VRK2: variants seen among roughly 807,000 people sequenced by gnomAD.
The protein encoded by VRK2 is VRK serine/threonine kinase 2, also known as serine/threonine-protein kinase VRK2.
A neutral mutation model predicts 57.6 loss-of-function variants in VRK2; 60 were observed. The observed-to-expected ratio is 1.04, with a 90% confidence interval of 0.85 to 1.29. The LOEUF is 1.29. Ranked by LOEUF, VRK2 falls within the 50% of genes most tolerant of loss-of-function variation. The probability of loss-of-function intolerance (pLI) is 0.00; values close to 1 mark genes in which losing one functional copy is unlikely to be tolerated. For synonymous variants in VRK2, 231 were observed against 199.2 expected, an observed-to-expected ratio of 1.16 and a Z score of -1.35; for missense variants, 705 against 588.1, an observed-to-expected ratio of 1.20 and a Z score of -2.06.
intron 1 of VRK2, among the ~76,000 whole-genome samples, chr2:57,989,704 A>C (rs1672704933): frequency 6.6e-6 from 1 of 152,208 alleles, no homozygotes; most frequent in Non-Finnish European, 1.5e-5. Flanking sequence ...GAGATGTATA[A>C]AGTATTCATA....
chr2:57,986,405 T>A (rs1267806795), intron 1 of VRK2, among the ~76,000 whole-genome samples: 1 of 152,096 alleles, frequency 6.6e-6, no homozygotes, highest in Non-Finnish European at 1.5e-5. Flanking sequence ...GATTTCTTTA[T>A]AGAAATCAGC....
chr2:58,120,709 C>G (rs1677357507), intron 7 of VRK2, among the ~76,000 whole-genome samples: 1 of 152,180 alleles, frequency 6.6e-6, no homozygotes, highest in Non-Finnish European at 1.5e-5. Context: ...AAATTCTTTT[C>G]TTTCCCTTTG....
intron 2 of VRK2, among the ~76,000 whole-genome samples, chr2:58,069,068 G>T (rs572977989): frequency 1.3e-5 from 2 of 151,798 alleles, no homozygotes; most frequent in South Asian, 4.2e-4. Context: ...CTGCTTCTTT[G>T]TATGCCTAGT....
intron 1 of VRK2, among the ~76,000 whole-genome samples, chr2:58,016,583 C>T (rs965937231): frequency 6.6e-6 from 1 of 152,034 alleles, no homozygotes; most frequent in Non-Finnish European, 1.5e-5. Context: ...GGTCTCAAAA[C>T]TCTTGACCTC....
intron 2 of VRK2, among the ~76,000 whole-genome samples, chr2:58,079,065 A>G (rs1477663479): frequency 1.3e-5 from 2 of 152,186 alleles, no homozygotes; most frequent in Non-Finnish European, 2.9e-5. Context: ...GTGATTTGCA[A>G]AGAGGTTGAC....
rs543472238 is a variant in VRK2, at chr2:57,961,175, G to A, written c.-439+53336G>A. Reference sequence around the variant, plus strand: ...AAGTAAGGTAAGAATACAAAGAGCTGGATTTCTATCATTATCATTAGCATA... The same window carrying A: ...AAGTAAGGTAAGAATACAAAGAGCTAGATTTCTATCATTATCATTAGCATA... On this transcript the variant is annotated intron_variant, in intron 1 of 15. Coordinates refer to the VRK2 transcript ENST00000417641. Among the ~76,000 whole-genome samples, 4 of 152,270 alleles carry A rather than the reference G, an allele frequency of 2.6e-5. 1 individual carries two copies. Among genetic ancestry groups the A allele is most frequent in the African/African-American group, 9.6e-5 (4 of 41,554 alleles).
At chr2:57,988,726 C>T (rs185310020) in intron 1 of VRK2, among the ~76,000 whole-genome samples, 2 of 152,214 alleles carry the variant, frequency 1.3e-5, no homozygotes, top group African/African-American at 4.8e-5. Context: ...TCTTCCCAGA[C>T]CTTCAACTCC....
At chr2:57,908,248 C>T (rs950930464) in intron 1 of VRK2, among the ~76,000 whole-genome samples, 2 of 152,162 alleles carry the variant, frequency 1.3e-5, no homozygotes, top group Admixed American at 6.5e-5. Context: ...GACCACACAT[C>T]ACGTATGATT....
intron 1 of VRK2, among the ~76,000 whole-genome samples, chr2:57,979,729 G>T (rs1159371208): frequency 6.6e-6 from 1 of 152,094 alleles, no homozygotes; most frequent in Non-Finnish European, 1.5e-5. Context: ...CTTGTTATTG[G>T]TCTGTTCAGG....
At chr2:58,013,252 A>C (rs1673466705) in intron 1 of VRK2, among the ~76,000 whole-genome samples, 1 of 152,234 alleles carries the variant, frequency 6.6e-6, no homozygotes, top group Non-Finnish European at 1.5e-5. Flanking sequence ...TTACCAGTAC[A>C]TAACTTGTAT....
rs142239729 is a variant in VRK2 at position 57,983,666 on chromosome 2, G to A, written c.-438-41999G>A. 2.4e-3 allele frequency among the ~76,000 whole-genome samples: 361 copies of A among 152,286 alleles called. 2 individuals are homozygous for A. The highest frequency in any genetic ancestry group is 8.5e-3 in the African/African-American group (354 of 41,556). On this transcript the variant is annotated intron_variant, in intron 1 of 15. Coordinates refer to the VRK2 transcript ENST00000417641. ...TGAAAAGTTTACTGTCAATAAGAGG[G>A]AATTAGAGCCTGCAAGGGAGAGTGT...
At position 58,136,844 on chromosome 2, in the gene VRK2, TTA is replaced by T. The variant is rs200465855; in HGVS notation, c.856+1649_856+1650del. ...TATGTGTGTATATATATCATATATA[TTA>T]TATCATATATATGTGTATATATATC... On this transcript the variant is annotated intron_variant, in intron 10 of 12. Transcript: ENST00000340157. Among the ~76,000 whole-genome samples the T allele has an allele frequency of 6.8e-3, 913 of 133,808 alleles. 8 individuals carry two copies. The highest frequency in any genetic ancestry group is 0.027 in the African/African-American group (851 of 31,498). 87.8% of individuals were successfully genotyped at this position (133,808 alleles called of 152,430 possible).
At chr2:57,927,654 T>C (rs1670583793) in intron 1 of VRK2, among the ~76,000 whole-genome samples, 1 of 152,250 alleles carries the variant, frequency 6.6e-6, no homozygotes, top group African/African-American at 2.4e-5. Flanking sequence ...AGATGATTTC[T>C]TACTGCTCAT....
In VRK2 at chr2:57,911,149, A is replaced by T. The variant is rs114637491; in HGVS notation, c.-439+3310A>T. ...AATATGAAAATCATTACATCTCATT[A>T]CTCTCACCAGTTACTTCATGGTAAT... is the stretch of plus-strand genomic sequence containing the variant. On this transcript the variant is annotated intron_variant, in intron 1 of 15. Coordinates refer to the VRK2 transcript ENST00000417641. 3.3e-3 allele frequency among the ~76,000 whole-genome samples: 506 copies of T among 151,638 alleles called. 7 individuals carry two copies. The highest frequency in any genetic ancestry group is 0.012 in the African/African-American group (477 of 41,294).
chr2:58,111,793 A>G (rs1013299370), intron 7 of VRK2, among the ~76,000 whole-genome samples: 2 of 152,150 alleles, frequency 1.3e-5, no homozygotes, highest in African/African-American at 2.4e-5. Context: ...TTCACAGAAA[A>G]AAAAAGGTAA....
At chr2:58,070,422 A>G (rs986599182) in intron 2 of VRK2, among the ~76,000 whole-genome samples, 1 of 152,100 alleles carries the variant, frequency 6.6e-6, no homozygotes, top group African/African-American at 2.4e-5. Flanking sequence ...TCTCATACAG[A>G]CTAATTTCAC....
intron 8 of VRK2, among the ~76,000 whole-genome samples, chr2:58,126,408 A>G (rs2104510699): frequency 6.6e-6 from 1 of 152,222 alleles, no homozygotes; most frequent in South Asian, 2.1e-4. Context: ...TAATGAAGGA[A>G]CTTGTATAAG....
At chr2:58,122,153 G>C (rs1025866018) in intron 7 of VRK2, among the ~76,000 whole-genome samples, 4 of 152,126 alleles carry the variant, frequency 2.6e-5, no homozygotes, top group Non-Finnish European at 5.9e-5. Flanking sequence ...AGATAAAATA[G>C]TGGTGTTTCT....
chr2:57,922,032 G>C (rs1241564498), intron 1 of VRK2, among the ~76,000 whole-genome samples: 4 of 151,870 alleles, frequency 2.6e-5, no homozygotes, highest in East Asian at 3.9e-4. Flanking sequence ...CTAAAATCTT[G>C]TTTTCAATAC....
Sources: gnomAD v4.1 joint callset for allele counts (sites outside exome capture counted in the v4.1 genomes callset) on GRCh38, gnomAD v4.1.1 for gene constraint, MANE v1.5 for transcripts, NCBI Gene and HGNC (gene_info 2026-07-23, HGNC 2026-07-21) for gene names.